The following PGLYRP4 variants were observed in gnomAD, a reference collection of about 807,000 sequenced individuals.
PGLYRP4 encodes the protein PGRP-I-beta.
Under a neutral mutation model 41.2 loss-of-function variants are expected in PGLYRP4, and 39 were observed. The ratio of observed to expected loss-of-function variants is 0.95; its 90% CI spans 0.73 to 1.24. PGLYRP4 has a LOEUF of 1.24. Ranked by LOEUF, PGLYRP4 falls within the 50% of genes most tolerant of loss-of-function variation. PGLYRP4 has a pLI of 0.00. For synonymous variants in PGLYRP4, 202 were observed against 186.8 expected, an observed-to-expected ratio of 1.08 and a Z score of -0.66; for missense variants, 467 against 460.7, an observed-to-expected ratio of 1.01 and a Z score of -0.13.
chr1:153,346,837 A>G (rs965741431), intron 2 of PGLYRP4, among the ~76,000 whole-genome samples: 1 of 152,226 alleles, frequency 6.6e-6, no homozygotes, highest in African/African-American at 2.4e-5. Flanking sequence ...CTATATCTTC[A>G]GGTGCATTAT....
At chr1:153,347,700 T>C (rs1211686929) in intron 2 of PGLYRP4, among the ~76,000 whole-genome samples, 184 bp downstream of exon 2, 1 of 151,900 alleles carries the variant, frequency 6.6e-6, no homozygotes, top group Non-Finnish European at 1.5e-5. Flanking sequence ...TTGTTGTTGT[T>C]TGTTTGTTTT....
intron 7 of PGLYRP4, among the ~76,000 whole-genome samples, chr1:153,339,904 T>C (rs950231790): frequency 5.3e-5 from 8 of 152,194 alleles, no homozygotes; most frequent in African/African-American, 1.7e-4. Flanking sequence ...AGGAAGGATA[T>C]CCTTCCCAAG....
In PGLYRP4 at chr1:153,345,165, T is replaced by C. The variant is rs775500747; in HGVS notation, c.353+4A>G. The C allele has an allele frequency of 2.5e-5, 40 of 1,602,200 alleles. No homozygotes were observed. The highest frequency in any genetic ancestry group is 3.3e-5 in the Non-Finnish European group (39 of 1,173,680). On this transcript the variant is annotated splice_donor_region_variant and intron_variant, in intron 4 of 8. Transcript: ENST00000359650. ...GTGCCGTGGGACCCAGACCCAGCTC[T>C]TACTTGTAGGCCACATCACACCCAC...
chr1:153,336,382 A>AAC (rs1447770617), intron 8 of PGLYRP4, among the ~76,000 whole-genome samples: 1 of 151,000 alleles, frequency 6.6e-6, no homozygotes, highest in East Asian at 1.9e-4. Context: ...AAAAAAAAAA[A>AAC]AAAAAAAAAA....
rs563367969 is a variant in PGLYRP4 at position 153,336,139 on chromosome 1, G to A, written c.943+1042C>T. Among the ~76,000 whole-genome samples, 8 of 151,992 alleles carry A rather than the reference G, an allele frequency of 5.3e-5. 1 individual carries two copies. The highest frequency in any genetic ancestry group is 9.6e-5 in the African/African-American group (4 of 41,452). ...GCATGGTGGCTCACTTTGGGAGGCC[G>A]AGACGGGAGGATCATGAGGTCAGGA... On this transcript the variant is annotated intron_variant, in intron 8 of 8. Transcript: ENST00000359650.
At chr1:153,347,034 G>C (rs2101581290) in intron 2 of PGLYRP4, among the ~76,000 whole-genome samples, 1 of 152,290 alleles carries the variant, frequency 6.6e-6, no homozygotes, top group Middle Eastern at 3.4e-3. Context: ...CTCCTTAAGA[G>C]AGAGTAGGTT....
In PGLYRP4 at chr1:153,330,619, A is replaced by G; in HGVS notation, c.*148T>C. On this transcript the variant is annotated 3_prime_UTR_variant, in exon 9 of 9. Transcript: ENST00000359650. ...GGCCCTTGGAGGATGTTGGCAGGAG[A>G]GGGCATGATCATCCCAACCTGAAAA... is the stretch of plus-strand genomic sequence containing the variant. 1 of 595,500 alleles carries G rather than the reference A, an allele frequency of 1.7e-6. No individual in the cohort carries two copies. Among genetic ancestry groups the G allele is most frequent in the Non-Finnish European group, 3.0e-6 (1 of 331,262 alleles). 36.9% of individuals were successfully genotyped at this position (595,500 alleles called of 1,614,324 possible). A position where few individuals can be genotyped will look rare whatever the true frequency, so the allele number is the denominator to read the frequency against.
At chr1:153,336,547 CAG>C (rs367694203) in intron 8 of PGLYRP4, among the ~76,000 whole-genome samples, 6 of 152,076 alleles carry the variant, frequency 3.9e-5, no homozygotes, top group African/African-American at 1.4e-4. Context: ...TATTGGCACA[CAG>C]AGTACAATAA....
chr1:153,341,103 T>C (rs1274509399), intron 6 of PGLYRP4, among the ~76,000 whole-genome samples: 1 of 152,196 alleles, frequency 6.6e-6, no homozygotes, highest in Admixed American at 6.5e-5. Flanking sequence ...TTGTTTTGGT[T>C]TTTGTATTCA....
At chr1:153,341,811 C>A (rs748850023) in intron 5 of PGLYRP4, 32 bp from the exon 6 acceptor site, 1 of 1,595,442 alleles carries the variant, frequency 6.3e-7, no homozygotes, top group Admixed American at 1.7e-5. Flanking sequence ...GAAACCTCCA[C>A]CCAGCCTGAG....
At chr1:153,343,439 G>A (rs573205942) in intron 4 of PGLYRP4, among the ~76,000 whole-genome samples, 2 of 152,194 alleles carry the variant, frequency 1.3e-5, no homozygotes, top group Non-Finnish European at 2.9e-5. Flanking sequence ...AGAGGCTGCA[G>A]TTTTACCATA....
intron 2 of PGLYRP4, among the ~76,000 whole-genome samples, chr1:153,346,479 A>G (rs368089786): frequency 6.8e-3 from 126 of 18,628 alleles, no homozygotes; most frequent in African/African-American, 0.038. Context: ...ATTGGCGGGG[A>G]AAAAAAAAAA....
At position 153,330,218 on chromosome 1, in the gene PGLYRP4, T is replaced by A. The variant is rs1354248554; in HGVS notation, c.*549A>T. Reference sequence around the variant, plus strand: ...TGCTGAGAAACAGAGGACATAGAGATGAATAAAACACAGTTCCTCCCCTGG... The same window carrying A: ...TGCTGAGAAACAGAGGACATAGAGAAGAATAAAACACAGTTCCTCCCCTGG... On this transcript the variant is annotated 3_prime_UTR_variant, in exon 9 of 9. Coordinates refer to ENST00000359650, the MANE Select transcript of PGLYRP4 (RefSeq NM_020393.4). 1.3e-5 allele frequency: 2 copies of A among 152,264 alleles called. No homozygotes were observed. Among genetic ancestry groups the A allele is most frequent in the Non-Finnish European group, 2.9e-5 (2 of 68,160 alleles). The allele number at this position is 152,264 out of a possible 1,614,324, so 9.4% of individuals were successfully genotyped here.
At chr1:153,346,052 A>C in intron 3 of PGLYRP4, 50 bp downstream of exon 3, 123 of 1,333,158 alleles carry the variant, frequency 9.2e-5, no homozygotes, top group Non-Finnish European at 1.3e-4. Flanking sequence ...CGATCACATG[A>C]AAAACCCCAG....
At chr1:153,345,139 T>C in intron 4 of PGLYRP4, 30 bp downstream of exon 4, 2 of 1,555,220 alleles carry the variant, frequency 1.3e-6, no homozygotes, top group Non-Finnish European at 1.8e-6. Context: ...ACACTGACCA[T>C]GTGCCGTGGG....
intron 8 of PGLYRP4, among the ~76,000 whole-genome samples, chr1:153,334,081 C>G (rs1359136430): frequency 6.6e-6 from 1 of 151,974 alleles, no homozygotes; most frequent in African/African-American, 2.4e-5. Flanking sequence ...AAATAAAAGG[C>G]ACCCAAATTG....
intron 8 of PGLYRP4, among the ~76,000 whole-genome samples, chr1:153,335,753 G>A (rs374086917): frequency 1.4e-5 from 1 of 71,098 alleles, no homozygotes; most frequent in Non-Finnish European, 3.1e-5. Flanking sequence ...AAATAAATAA[G>A]TCAAAAAATA....
At chr1:153,345,916 C>A (rs548418880) in intron 3 of PGLYRP4, among the ~76,000 whole-genome samples, 186 bp downstream of exon 3, 2 of 152,302 alleles carry the variant, frequency 1.3e-5, no homozygotes, top group African/African-American at 4.8e-5. Context: ...AGCCCTCCAG[C>A]ACCAGCCTTC....
At position 153,340,592 on chromosome 1, in the gene PGLYRP4, G is replaced by A. The variant is rs138852936; in HGVS notation, c.626-13C>T. 6.9e-5 allele frequency: 111 copies of A among 1,612,228 alleles called. No homozygotes were observed. In the East Asian group the frequency reaches 1.1e-3, roughly 16 times the overall value. On this transcript the variant is annotated splice_polypyrimidine_tract_variant and intron_variant, in intron 6 of 8. Coordinates refer to ENST00000359650, the MANE Select transcript of PGLYRP4 (RefSeq NM_020393.4). ...ACGCCGGGGCAAGCTGAGGTGGGGC[G>A]AGAAACCACAGAGGGTTCATCTTCC...
Sources: allele counts gnomAD v4.1 joint callset (sites outside exome capture counted in the v4.1 genomes callset), GRCh38; gene constraint gnomAD v4.1.1; transcripts MANE v1.5; gene names NCBI Gene and HGNC (gene_info 2026-07-23, HGNC 2026-07-21).